The following TASP1 variants were observed in gnomAD, a reference collection of about 807,000 sequenced individuals.
The protein encoded by TASP1 is threonine aspartase 1.
Under a neutral mutation model 56.6 loss-of-function variants are expected in TASP1, and 16 were observed. The ratio of observed to expected loss-of-function variants is 0.28; its 90% CI spans 0.19 to 0.43. The LOEUF (loss-of-function observed/expected upper bound fraction) is 0.43. TASP1 is among the 20% of genes least tolerant of loss of function. The pLI, the probability that TASP1 is intolerant of heterozygous loss-of-function variation, is 1.00. For missense variants in TASP1, 393 were observed against 511.6 expected (o/e 0.77, Z 2.24); for synonymous variants, 179 against 184.2 (o/e 0.97, Z 0.23).
At chr20:13,179,406 C>CGCGTGTGTGT in the TASP1 span, among the ~76,000 whole-genome samples, 2 of 143,404 alleles carry the variant, frequency 1.4e-5, no homozygotes, top group Admixed American at 7.0e-5. Context: ...GAATTATGTG[C>CGCGTGTGTGT]GTGTGTGTGT....
intron 11 of TASP1, among the ~76,000 whole-genome samples, chr20:13,465,894 C>A (rs147860646): frequency 2.1e-3 from 321 of 152,214 alleles, no homozygotes; most frequent in African/African-American, 7.2e-3. Flanking sequence ...GTGAGGGATT[C>A]TTGTGATGAT....
intron 10 of TASP1, among the ~76,000 whole-genome samples, chr20:13,496,049 T>C (rs1353542789): frequency 1.3e-5 from 2 of 151,982 alleles, no homozygotes; most frequent in Non-Finnish European, 2.9e-5. Flanking sequence ...TTCAATTTGA[T>C]TTTGATTTTT....
At chr20:13,140,354 C>T in the TASP1 span, among the ~76,000 whole-genome samples, 2 of 152,058 alleles carry the variant, frequency 1.3e-5, no homozygotes, top group African/African-American at 4.8e-5. Context: ...GGACCATAGA[C>T]GAAAAGGAAG....
chr20:13,255,006 G>T, the TASP1 span, among the ~76,000 whole-genome samples: 1 of 152,196 alleles, frequency 6.6e-6, no homozygotes, highest in Non-Finnish European at 1.5e-5. Flanking sequence ...AACAGACACG[G>T]TCCCTGCCTC....
At chr20:13,279,829 C>G in the TASP1 span, 15 of 1,613,966 alleles carry the variant, frequency 9.3e-6, no homozygotes, top group Middle Eastern at 3.3e-4. Context: ...CTTCCTCAAC[C>G]CCCCCAGGGG....
the TASP1 span, among the ~76,000 whole-genome samples, chr20:13,240,593 A>G: frequency 2.6e-5 from 4 of 152,246 alleles, no homozygotes; most frequent in South Asian, 8.3e-4. Flanking sequence ...AGGATTTTGC[A>G]GGTCATGATA....
chr20:13,494,838 T>C (rs1465624009), intron 10 of TASP1, among the ~76,000 whole-genome samples: 1 of 151,834 alleles, frequency 6.6e-6, no homozygotes, highest in African/African-American at 2.4e-5. Flanking sequence ...CTGTAGATAG[T>C]CTCCAATTTT....
At chr20:13,309,976 G>A in the TASP1 span, among the ~76,000 whole-genome samples, 7 of 152,074 alleles carry the variant, frequency 4.6e-5, no homozygotes, top group South Asian at 2.1e-4. Context: ...CTGTGTTTAC[G>A]GATTGGAAGA....
chr20:13,154,209 C>A, the TASP1 span: 2 of 1,580,734 alleles, frequency 1.3e-6, no homozygotes, highest in South Asian at 2.3e-5. Context: ...TTGGCACAGG[C>A]GTTAGATTAT....
At chr20:13,234,655 T>C in the TASP1 span, among the ~76,000 whole-genome samples, 1 of 152,248 alleles carries the variant, frequency 6.6e-6, no homozygotes, top group African/African-American at 2.4e-5. Flanking sequence ...TTCTGACTTG[T>C]GTAAAATGGT....
chr20:13,272,287 C>T, the TASP1 span, among the ~76,000 whole-genome samples: 1 of 152,312 alleles, frequency 6.6e-6, no homozygotes, highest in East Asian at 1.9e-4. Flanking sequence ...TTTCGTTGAC[C>T]TGAGTTGTTT....
At chr20:13,537,854 A>G (rs1228314862) in intron 8 of TASP1, among the ~76,000 whole-genome samples, 2 of 152,206 alleles carry the variant, frequency 1.3e-5, no homozygotes, top group Non-Finnish European at 2.9e-5. Flanking sequence ...GATGGTTATT[A>G]TATAGTTATT....
the TASP1 span, among the ~76,000 whole-genome samples, chr20:13,342,526 GC>G: frequency 6.6e-6 from 1 of 152,202 alleles, no homozygotes; most frequent in Admixed American, 6.5e-5. Flanking sequence ...GGTGCCTGGA[GC>G]TACCAGACAG....
At chr20:13,559,612 T>C (rs1436535263) in intron 7 of TASP1, among the ~76,000 whole-genome samples, 1 of 152,168 alleles carries the variant, frequency 6.6e-6, no homozygotes, top group African/African-American at 2.4e-5. Flanking sequence ...AATCTCAGCT[T>C]TGGTTCTAGA....
chr20:13,442,915 G>A (rs1430654254), intron 11 of TASP1, among the ~76,000 whole-genome samples: 2 of 152,022 alleles, frequency 1.3e-5, no homozygotes, highest in East Asian at 1.9e-4. Flanking sequence ...TTTAGTCTTG[G>A]GATAGCAACT....
intron 10 of TASP1, among the ~76,000 whole-genome samples, chr20:13,526,922 T>C (rs1296772084): frequency 6.6e-6 from 1 of 152,106 alleles, no homozygotes; most frequent in Non-Finnish European, 1.5e-5. Context: ...GTCTGATATG[T>C]ATACACAGCA....
At chr20:13,338,160 G>T in the TASP1 span, among the ~76,000 whole-genome samples, 1 of 152,272 alleles carries the variant, frequency 6.6e-6, no homozygotes, top group African/African-American at 2.4e-5. Flanking sequence ...ATGAAACAAG[G>T]GTGGATTATT....
chr20:13,573,837 T>C (rs1001781139), intron 6 of TASP1, among the ~76,000 whole-genome samples: 3 of 152,220 alleles, frequency 2.0e-5, no homozygotes, highest in Non-Finnish European at 4.4e-5. Context: ...GTAAACCTTG[T>C]GACTGCCTTA....
chr20:13,105,138 C>T, the TASP1 span, among the ~76,000 whole-genome samples: 3 of 152,212 alleles, frequency 2.0e-5, no homozygotes, highest in Non-Finnish European at 2.9e-5. Context: ...CCTTGTAGAA[C>T]GACAGAGAAC....
Sources: allele counts gnomAD v4.1 joint callset (sites outside exome capture counted in the v4.1 genomes callset), GRCh38; gene constraint gnomAD v4.1.1; transcripts MANE v1.5; gene names NCBI Gene and HGNC (gene_info 2026-07-23, HGNC 2026-07-21).